NCOA2: variants seen among roughly 807,000 people sequenced by gnomAD.
The protein encoded by NCOA2 is class E basic helix-loop-helix protein 75.
NCOA2 carries 21 observed loss-of-function variants against 145.1 expected under a neutral mutation model. That is an observed-to-expected ratio of 0.14 (90% CI 0.10 to 0.21). The LOEUF is 0.21. NCOA2 is among the 10% of genes least tolerant of loss of function. NCOA2 has a pLI of 1.00. For missense variants in NCOA2, 1,472 were observed against 1,837.6 expected (o/e 0.80, Z 3.64); for synonymous variants, 619 against 637.5 (o/e 0.97, Z 0.44).
At chr8:70,420,970 C>A in the NCOA2 span, among the ~76,000 whole-genome samples, 119 of 151,890 alleles carry the variant, frequency 7.8e-4, 1 homozygote, top group Non-Finnish European at 1.6e-4. Context: ...TATCTGTTAT[C>A]TTTAAAAACT....
At chr8:70,217,901 C>T (rs1319301362) in intron 2 of NCOA2, among the ~76,000 whole-genome samples, 1 of 152,084 alleles carries the variant, frequency 6.6e-6, no homozygotes, top group Non-Finnish European at 1.5e-5. Context: ...CCTTCTGGCC[C>T]CCAGACTTCT....
At chr8:70,451,949 C>T in the NCOA2 span, among the ~76,000 whole-genome samples, 1 of 150,026 alleles carries the variant, frequency 6.7e-6, no homozygotes, top group Non-Finnish European at 1.5e-5. Flanking sequence ...TTAAAATGGG[C>T]ATTTAAGGTG....
At chr8:70,257,055 G>C (rs1823695470) in intron 2 of NCOA2, among the ~76,000 whole-genome samples, 1 of 152,172 alleles carries the variant, frequency 6.6e-6, no homozygotes, top group Non-Finnish European at 1.5e-5. Flanking sequence ...CCCTATGACA[G>C]AGGTACTAGT....
the NCOA2 span, among the ~76,000 whole-genome samples, chr8:70,449,850 C>G: frequency 6.6e-6 from 1 of 152,202 alleles, no homozygotes; most frequent in Admixed American, 6.5e-5. Flanking sequence ...CGATGTCAAC[C>G]TTTAGCAATA....
intron 2 of NCOA2, among the ~76,000 whole-genome samples, chr8:70,243,690 CG>C (rs1371593061): frequency 6.7e-6 from 1 of 149,676 alleles, no homozygotes; most frequent in Non-Finnish European, 1.5e-5. Context: ...GCTTTCTGGG[CG>C]GAAAATGGTA....
the NCOA2 span, among the ~76,000 whole-genome samples, chr8:70,441,978 AG>A: frequency 6.7e-6 from 1 of 148,648 alleles, no homozygotes; most frequent in Non-Finnish European, 1.5e-5. Context: ...AGAAAGAAAG[AG>A]GAAAGAGAGA....
At chr8:70,423,499 C>T in the NCOA2 span, among the ~76,000 whole-genome samples, 2 of 152,098 alleles carry the variant, frequency 1.3e-5, no homozygotes, top group Non-Finnish European at 2.9e-5. Flanking sequence ...CTAATTGAAT[C>T]CTCTGAAGTG....
chr8:70,424,025 A>G, the NCOA2 span: 1 of 155,114 alleles, frequency 6.4e-6, no homozygotes, highest in Non-Finnish European at 1.4e-5. Context: ...GGATATACAA[A>G]TGAATGGTTA....
chr8:70,320,760 T>C (rs948403630), intron 1 of NCOA2, among the ~76,000 whole-genome samples: 4 of 152,174 alleles, frequency 2.6e-5, no homozygotes, highest in South Asian at 2.1e-4. Flanking sequence ...TGGAGGAGTA[T>C]TGATCTGCTC....
rs1343000662 is a variant in NCOA2, at chr8:70,396,264, T to C, written c.-77+7436A>G. On this transcript the variant is annotated intron_variant, in intron 1 of 22. Transcript: ENST00000452400. Reference sequence around the variant, plus strand: ...CTTTCTAAGCCTATATCCTCTATAGTGCTCTGTCAATCTATGTTCTACCTA... The same window carrying C: ...CTTTCTAAGCCTATATCCTCTATAGCGCTCTGTCAATCTATGTTCTACCTA... Among the ~76,000 whole-genome samples, 4 of 152,262 alleles carry C rather than the reference T, an allele frequency of 2.6e-5. No individual in the cohort carries two copies. The East Asian group carries it at 5.8e-4, about 22-fold the overall frequency.
At position 70,403,760 on chromosome 8, in the gene NCOA2, A is replaced by C. The variant is rs989945488; in HGVS notation, c.-137T>G. 2 of 397,422 alleles carry C rather than the reference A, an allele frequency of 5.0e-6. No individual in the cohort carries two copies. The highest frequency in any genetic ancestry group is 4.4e-5 in the Admixed American group (1 of 22,692). 24.6% of individuals were successfully genotyped at this position (397,422 alleles called of 1,614,324 possible). A position where few individuals can be genotyped will look rare whatever the true frequency, so the allele number is the denominator to read the frequency against. On this transcript the variant is annotated 5_prime_UTR_variant, in exon 1 of 23. Transcript: ENST00000452400. ...CCGTCGGCGCTGACCTTCGCCGCCG[A>C]AGCTGTAGCCGAGGCTGCGGCCGCC... is the stretch of plus-strand genomic sequence containing the variant.
At chr8:70,416,013 A>G in the NCOA2 span, among the ~76,000 whole-genome samples, 1 of 152,194 alleles carries the variant, frequency 6.6e-6, no homozygotes, top group Non-Finnish European at 1.5e-5. Context: ...TTAGATATTT[A>G]TATCTAATAA....
At chr8:70,412,240 C>T in the NCOA2 span, among the ~76,000 whole-genome samples, 1 of 152,052 alleles carries the variant, frequency 6.6e-6, no homozygotes, top group African/African-American at 2.4e-5. Context: ...CACCACTGTA[C>T]TCCAGCCTGG....
At chr8:70,397,222 G>C (rs1340289510) in intron 1 of NCOA2, among the ~76,000 whole-genome samples, 1 of 152,122 alleles carries the variant, frequency 6.6e-6, no homozygotes, top group Non-Finnish European at 1.5e-5. Flanking sequence ...ACTCTGTGAG[G>C]CTGAGGCAGG....
rs1817046476 is a variant in NCOA2 at position 70,194,465 on chromosome 8, ATCT to A, written c.259+19435_259+19437del. Among the ~76,000 whole-genome samples the A allele has an allele frequency of 3.3e-5, 5 of 152,298 alleles. No individual in the cohort carries two copies. In the South Asian group the frequency reaches 1.0e-3, roughly 32 times the overall value. On this transcript the variant is annotated intron_variant, in intron 4 of 22. Transcript: ENST00000452400. Reference sequence around the variant, plus strand: ...CACCTTAACAAGGCCAGTGTTGTTTATCTAGAGGTTACATCGCACAAGTGAAGA... The same window carrying A: ...CACCTTAACAAGGCCAGTGTTGTTTAAGAGGTTACATCGCACAAGTGAAGA...
At chr8:70,191,496 G>A (rs1271861931) in intron 4 of NCOA2, among the ~76,000 whole-genome samples, 1 of 152,198 alleles carries the variant, frequency 6.6e-6, no homozygotes, top group African/African-American at 2.4e-5. Context: ...GGCATAGGGA[G>A]CTCCTAGAAA....
intron 1 of NCOA2, among the ~76,000 whole-genome samples, chr8:70,326,758 T>C (rs982846954): frequency 2.0e-5 from 3 of 152,158 alleles, no homozygotes; most frequent in African/African-American, 7.2e-5. Flanking sequence ...TTCATGATCA[T>C]CCAGATGCAT....
the NCOA2 span, among the ~76,000 whole-genome samples, chr8:70,449,218 A>G: frequency 6.6e-6 from 1 of 152,198 alleles, no homozygotes; most frequent in Admixed American, 6.5e-5. Flanking sequence ...CTCTTCTCTA[A>G]CCAGGTAATT....
chr8:70,324,722 A>AT (rs1413983000), intron 1 of NCOA2, among the ~76,000 whole-genome samples: 2 of 152,176 alleles, frequency 1.3e-5, no homozygotes, highest in Non-Finnish European at 2.9e-5. Context: ...TTCCAAGAAG[A>AT]TTTTGCTATC....
Sources: gnomAD v4.1 joint callset for allele counts (sites outside exome capture counted in the v4.1 genomes callset) on GRCh38, gnomAD v4.1.1 for gene constraint, MANE v1.5 for transcripts, NCBI Gene and HGNC (gene_info 2026-07-23, HGNC 2026-07-21) for gene names.